PCDH9: variants seen among roughly 807,000 people sequenced by gnomAD.
PCDH9 encodes the protein protocadherin-9.
A neutral mutation model predicts 70.6 loss-of-function variants in PCDH9; 24 were observed. That is an observed-to-expected ratio of 0.34 (90% CI 0.25 to 0.48). The LOEUF is 0.48. Among genes scored for constraint, PCDH9 ranks in the 20% least tolerant of loss-of-function variants. The pLI, the probability that PCDH9 is intolerant of heterozygous loss-of-function variation, is 0.99. For missense variants in PCDH9, 1,281 were observed against 1,503.6 expected (o/e 0.85, Z 2.45); for synonymous variants, 562 against 558.5 (o/e 1.01, Z -0.09).
chr13:66,761,201 C>T (rs1385894150), intron 3 of PCDH9, among the ~76,000 whole-genome samples: 2 of 152,060 alleles, frequency 1.3e-5, no homozygotes, highest in East Asian at 1.9e-4. Flanking sequence ...CTTAGGTGGG[C>T]ATCACGGAAC....
At chr13:66,579,562 G>A (rs974803386) in intron 4 of PCDH9, among the ~76,000 whole-genome samples, 7 of 152,040 alleles carry the variant, frequency 4.6e-5, no homozygotes, top group Non-Finnish European at 1.0e-4. Context: ...CGGTGTGATG[G>A]AGAAAAGAAG....
chr13:67,050,553 C>G (rs78120012), intron 2 of PCDH9, among the ~76,000 whole-genome samples: 6,986 of 152,240 alleles, frequency 0.046, 318 homozygotes, highest in African/African-American at 0.12. Flanking sequence ...GCAAAGTTAT[C>G]ACAAGCTTAC....
At chr13:66,419,504 G>T (rs1198262368) in intron 4 of PCDH9, among the ~76,000 whole-genome samples, 1 of 151,792 alleles carries the variant, frequency 6.6e-6, no homozygotes, top group East Asian at 2.0e-4. Flanking sequence ...CCCATGGAGG[G>T]CAAGCAGAAG....
At chr13:66,400,880 C>T (rs544869412) in intron 4 of PCDH9, among the ~76,000 whole-genome samples, 1 of 152,118 alleles carries the variant, frequency 6.6e-6, no homozygotes, top group Non-Finnish European at 1.5e-5. Context: ...ATTTCCATTC[C>T]TCTGTGCTTT....
At chr13:66,996,042 C>A (rs2084107564) in intron 2 of PCDH9, among the ~76,000 whole-genome samples, 1 of 152,038 alleles carries the variant, frequency 6.6e-6, no homozygotes. Flanking sequence ...GTGAACAACA[C>A]TGTCTAGTCT....
intron 3 of PCDH9, among the ~76,000 whole-genome samples, chr13:66,769,882 G>C (rs573662167): frequency 6.6e-6 from 1 of 152,172 alleles, no homozygotes; most frequent in South Asian, 2.1e-4. Flanking sequence ...TTTTTATTAG[G>C]GGCTGGGAGA....
intron 4 of PCDH9, among the ~76,000 whole-genome samples, chr13:66,445,052 A>T (rs1466693073): frequency 4.1e-5 from 6 of 147,396 alleles, no homozygotes; most frequent in Non-Finnish European, 7.5e-5. Flanking sequence ...CTATATATAT[A>T]ATATATATAT....
chr13:67,099,297 A>G (rs1363012493), intron 2 of PCDH9, among the ~76,000 whole-genome samples: 1 of 152,204 alleles, frequency 6.6e-6, no homozygotes, highest in Non-Finnish European at 1.5e-5. Flanking sequence ...ATCCTTTTAC[A>G]TATGCTATTT....
intron 3 of PCDH9, among the ~76,000 whole-genome samples, chr13:66,807,110 G>T (rs998024657): frequency 5.9e-5 from 9 of 152,076 alleles, no homozygotes; most frequent in African/African-American, 2.2e-4. Flanking sequence ...GTTTTTTACA[G>T]AATGAAATTA....
chr13:67,104,181 A>G (rs1280520382), intron 2 of PCDH9, among the ~76,000 whole-genome samples: 2 of 152,196 alleles, frequency 1.3e-5, no homozygotes, highest in Admixed American at 6.5e-5. Flanking sequence ...TAAGTATATC[A>G]TGTTGCTTTT....
At chr13:67,212,142 T>C (rs1177775278) in intron 2 of PCDH9, 1 of 152,160 alleles carries the variant, frequency 6.6e-6, no homozygotes, top group East Asian at 1.9e-4. Flanking sequence ...AGTGTGATTT[T>C]AAGAATGAAA....
At chr13:66,317,745 A>C (rs1955678867) in intron 4 of PCDH9, among the ~76,000 whole-genome samples, 1 of 152,218 alleles carries the variant, frequency 6.6e-6, no homozygotes, top group African/African-American at 2.4e-5. Flanking sequence ...TTAAGAAAAA[A>C]AAAGATGATT....
chr13:66,863,579 G>A (rs1193666744), intron 3 of PCDH9, among the ~76,000 whole-genome samples: 1 of 151,946 alleles, frequency 6.6e-6, no homozygotes, highest in Non-Finnish European at 1.5e-5. Flanking sequence ...TCCGCCTCCC[G>A]GGTTCACGCC....
intron 4 of PCDH9, among the ~76,000 whole-genome samples, chr13:66,523,046 G>A (rs4144494): frequency 0.24 from 36,110 of 151,898 alleles, 4,640 homozygotes; most frequent in South Asian, 0.35. Context: ...TTTACTTGCA[G>A]GGTGTTGCTT....
intron 3 of PCDH9, among the ~76,000 whole-genome samples, chr13:66,754,479 A>C (rs2079510478): frequency 6.6e-6 from 1 of 152,124 alleles, no homozygotes; most frequent in East Asian, 1.9e-4. Flanking sequence ...TTGTAGGATC[A>C]GGGAAGAGGC....
chr13:66,313,584 A>G (rs1009040222), intron 4 of PCDH9, among the ~76,000 whole-genome samples: 1 of 152,358 alleles, frequency 6.6e-6, no homozygotes, highest in Non-Finnish European at 1.5e-5. Flanking sequence ...GTCATACACA[A>G]TAGTAGTACA....
intron 2 of PCDH9, among the ~76,000 whole-genome samples, chr13:66,939,424 A>ATGTGTGTGTGTG (rs57997772): frequency 0.031 from 4,593 of 148,074 alleles, 101 homozygotes; most frequent in Non-Finnish European, 0.047. Context: ...TTTAAAATAT[A>ATGTGTGTGTGTG]TGTGTGTGTG....
intron 3 of PCDH9, among the ~76,000 whole-genome samples, chr13:66,860,613 CAGCA>C (rs1474262167): frequency 6.6e-6 from 1 of 152,214 alleles, no homozygotes; most frequent in African/African-American, 2.4e-5. Flanking sequence ...CTAAAGATAT[CAGCA>C]TGCAAGAAGT....
intron 2 of PCDH9, among the ~76,000 whole-genome samples, chr13:67,173,159 A>G (rs944632845): frequency 4.6e-5 from 7 of 152,206 alleles, no homozygotes; most frequent in African/African-American, 1.7e-4. Context: ...ACCTTATAGA[A>G]GTAAACAACA....
Sources: gnomAD v4.1 joint callset for allele counts (sites outside exome capture counted in the v4.1 genomes callset) on GRCh38, gnomAD v4.1.1 for gene constraint, MANE v1.5 for transcripts, NCBI Gene and HGNC (gene_info 2026-07-23, HGNC 2026-07-21) for gene names.